The following CLASP1 variants were observed in gnomAD, a reference collection of about 807,000 sequenced individuals.
CLASP1 encodes cytoplasmic linker associated protein 1.
Under a neutral mutation model 192.3 loss-of-function variants are expected in CLASP1, and 38 were observed. That is an observed-to-expected ratio of 0.20 (90% CI 0.15 to 0.26). CLASP1 has a LOEUF of 0.26. Among genes scored for constraint, CLASP1 ranks in the 10% least tolerant of loss-of-function variants. CLASP1 has a pLI of 1.00. For missense variants in CLASP1, 1,433 were observed against 1,932.5 expected (o/e 0.74, Z 4.85); for synonymous variants, 691 against 712.8 (o/e 0.97, Z 0.49).
intron 23 of CLASP1, among the ~76,000 whole-genome samples, chr2:121,418,000 C>T (rs79486495): frequency 0.014 from 2,061 of 152,270 alleles, 59 homozygotes; most frequent in South Asian, 0.1. Flanking sequence ...CTTAACATGG[C>T]CAGCAGCCAA....
At chr2:121,548,070 T>C (rs1439849062) in intron 2 of CLASP1, among the ~76,000 whole-genome samples, 4 of 152,202 alleles carry the variant, frequency 2.6e-5, no homozygotes, top group African/African-American at 9.7e-5. Context: ...CAGGCTGAGC[T>C]GGCTGAATGA....
chr2:121,398,036 G>A (rs1054653829), intron 29 of CLASP1, among the ~76,000 whole-genome samples: 1 of 152,188 alleles, frequency 6.6e-6, no homozygotes, highest in African/African-American at 2.4e-5. Flanking sequence ...ATGCTGGTGA[G>A]GATGCAGCAA....
At chr2:121,357,489 C>A (rs375768261) in intron 37 of CLASP1, among the ~76,000 whole-genome samples, 1 of 152,126 alleles carries the variant, frequency 6.6e-6, no homozygotes, top group African/African-American at 2.4e-5. Flanking sequence ...TCACAGCCCC[C>A]GAGCTGGCAA....
At chr2:121,392,481 T>A (rs999574510) in intron 30 of CLASP1, among the ~76,000 whole-genome samples, 1 of 152,186 alleles carries the variant, frequency 6.6e-6, no homozygotes, top group Non-Finnish European at 1.5e-5. Context: ...GTTATTTATG[T>A]ATAGAGATAG....
chr2:121,454,178 G>A (rs754516469), intron 14 of CLASP1, among the ~76,000 whole-genome samples: 6 of 136,938 alleles, frequency 4.4e-5, no homozygotes, highest in Admixed American at 1.7e-4. Context: ...TTAATATGCT[G>A]AAGTCCTTAC....
chr2:121,389,157 ATCAT>A (rs887821601), intron 30 of CLASP1, among the ~76,000 whole-genome samples: 2 of 152,318 alleles, frequency 1.3e-5, no homozygotes, highest in Admixed American at 1.3e-4. Context: ...ACATTTTGAA[ATCAT>A]TCATTAATCA....
chr2:121,645,993 C>T (rs2073105238), intron 1 of CLASP1, among the ~76,000 whole-genome samples: 1 of 152,180 alleles, frequency 6.6e-6, no homozygotes, highest in South Asian at 2.1e-4. Context: ...TGATGCCCCG[C>T]TGGCAATGGG....
intron 19 of CLASP1, among the ~76,000 whole-genome samples, chr2:121,433,596 A>C (rs940631366): frequency 6.6e-6 from 1 of 152,104 alleles, no homozygotes; most frequent in Non-Finnish European, 1.5e-5. Context: ...CTCTAATAAA[A>C]ATACAAAAAA....
intron 2 of CLASP1, among the ~76,000 whole-genome samples, chr2:121,600,407 A>G (rs1161808828): frequency 6.6e-6 from 1 of 152,248 alleles, no homozygotes; most frequent in Non-Finnish European, 1.5e-5. Flanking sequence ...TGAGTTGTCC[A>G]TGGTTACAAG....
intron 37 of CLASP1, among the ~76,000 whole-genome samples, chr2:121,353,453 G>C (rs558266079): frequency 6.6e-6 from 1 of 152,146 alleles, no homozygotes; most frequent in Non-Finnish European, 1.5e-5. Context: ...GATGCCTGAG[G>C]TTCCTCAGCA....
intron 14 of CLASP1, among the ~76,000 whole-genome samples, chr2:121,452,125 G>C (rs2085611372): frequency 6.6e-6 from 1 of 152,152 alleles, no homozygotes; most frequent in Non-Finnish European, 1.5e-5. Flanking sequence ...CAACATCACT[G>C]AAAGGACTTA....
exon 40 of CLASP1, chr2:121,340,736 CT>C: frequency 1.5e-6 from 1 of 687,876 alleles, no homozygotes; most frequent in Non-Finnish European, 2.5e-6. Context: ...GACCAAAATA[CT>C]GATTGTAATA....
intron 13 of CLASP1, 43 bp from the exon 14 acceptor site, chr2:121,457,800 C>T (rs949154977): frequency 7.0e-7 from 1 of 1,421,658 alleles, no homozygotes; most frequent in Non-Finnish European, 9.8e-7. Flanking sequence ...CTTGCAAATA[C>T]AAAAACAAAA....
At chr2:121,451,112 G>A (rs2085381161) in intron 15 of CLASP1, 122 bp from the exon 16 acceptor site, 2 of 700,440 alleles carry the variant, frequency 2.9e-6, no homozygotes, top group African/African-American at 3.6e-5. Flanking sequence ...TGCCAAGGCT[G>A]GTCAGTTCCC....
chr2:121,591,978 C>A (rs2062454395), intron 2 of CLASP1, among the ~76,000 whole-genome samples: 2 of 152,312 alleles, frequency 1.3e-5, no homozygotes, highest in East Asian at 3.9e-4. Flanking sequence ...CATCTGATTT[C>A]TCTGGATTTC....
chr2:121,448,984 G>A (rs750898560), exon 17 of CLASP1: 3 of 1,613,876 alleles, frequency 1.9e-6, no homozygotes, highest in Non-Finnish European at 2.5e-6. Flanking sequence ...GAAGATGAGC[G>A]GTCTGACTGA....
intron 34 of CLASP1, among the ~76,000 whole-genome samples, chr2:121,372,460 T>C (rs2068946008): frequency 6.6e-6 from 1 of 152,252 alleles, no homozygotes; most frequent in African/African-American, 2.4e-5. Flanking sequence ...CCTAAATCAC[T>C]GGCTGAAACA....
In CLASP1 at chr2:121,384,031, CATAT is replaced by C. The variant is rs1553477023; in HGVS notation, c.3375-1711_3375-1708del. 4.1e-3 allele frequency among the ~76,000 whole-genome samples: 548 copies of C among 132,820 alleles called. 3 individuals carry two copies. The highest frequency in any genetic ancestry group is 0.014 in the African/African-American group (534 of 37,276). 87.1% of individuals were successfully genotyped at this position (132,820 alleles called of 152,430 possible). On this transcript the variant is annotated intron_variant, in intron 32 of 39. Coordinates refer to ENST00000263710, the Ensembl canonical transcript of CLASP1. ...ATACACACACACACACACACACACA[CATAT>C]ATATGTATATATACACACATATATG...
At chr2:121,624,934 G>C (rs1576560214) in intron 1 of CLASP1, among the ~76,000 whole-genome samples, 1 of 152,110 alleles carries the variant, frequency 6.6e-6, no homozygotes, top group African/African-American at 2.4e-5. Flanking sequence ...GGTGATTTCA[G>C]TGTGTGTAGT....
Sources: allele counts gnomAD v4.1 joint callset (sites outside exome capture counted in the v4.1 genomes callset), GRCh38; gene constraint gnomAD v4.1.1; transcripts MANE v1.5; gene names NCBI Gene and HGNC (gene_info 2026-07-23, HGNC 2026-07-21).